Variants in RNGTT observed in about 807,000 individuals in gnomAD.
RNGTT encodes RNA guanylyltransferase and 5'-phosphatase.
A neutral mutation model predicts 79.3 loss-of-function variants in RNGTT; 33 were observed. That is an observed-to-expected ratio of 0.42 (90% confidence interval 0.32 to 0.56). The LOEUF is 0.56. RNGTT is among the 20% of genes least tolerant of loss of function. The pLI, the probability that RNGTT is intolerant of heterozygous loss-of-function variation, is 0.17. For synonymous variants in RNGTT, 222 were observed against 235.9 expected (o/e 0.94, Z 0.54); for missense variants, 497 against 739.1 (o/e 0.67, Z 3.80).
At chr6:88,954,960 A>G (rs1785378170) in intron 1 of RNGTT, among the ~76,000 whole-genome samples, 1 of 152,100 alleles carries the variant, frequency 6.6e-6, no homozygotes, top group Non-Finnish European at 1.5e-5. Context: ...AGGGAGGCTG[A>G]GGCAGGAGAA....
intron 13 of RNGTT, among the ~76,000 whole-genome samples, chr6:88,706,466 A>G (rs1776133238): frequency 6.6e-6 from 1 of 152,086 alleles, no homozygotes; most frequent in African/African-American, 2.4e-5. Flanking sequence ...AACTGGCACT[A>G]TAAGGAAGAG....
chr6:88,906,326 T>G, intron 5 of RNGTT, 39 bp downstream of exon 5: 1 of 1,354,954 alleles, frequency 7.4e-7, no homozygotes, highest in Non-Finnish European at 1.0e-6. Context: ...AAATTTTTTA[T>G]TACAAAATAC....
intron 13 of RNGTT, among the ~76,000 whole-genome samples, chr6:88,757,013 CAACT>C (rs1778040531): frequency 1.3e-5 from 2 of 152,142 alleles, no homozygotes; most frequent in Admixed American, 6.5e-5. Context: ...TCAGTTTTAA[CAACT>C]AACATCCACT....
At chr6:88,782,225 G>C (rs1752326114) in intron 12 of RNGTT, among the ~76,000 whole-genome samples, 1 of 152,028 alleles carries the variant, frequency 6.6e-6, no homozygotes. Flanking sequence ...CCATGAGGTA[G>C]TTCAATCTAA....
intron 14 of RNGTT, among the ~76,000 whole-genome samples, chr6:88,629,657 C>T (rs1772771729): frequency 6.6e-6 from 1 of 152,144 alleles, no homozygotes; most frequent in Admixed American, 6.6e-5. Flanking sequence ...TTTGGACGTT[C>T]ACCACTCAAC....
At chr6:88,612,963 A>T in intron 15 of RNGTT, 81 bp from the exon 16 acceptor site, 1 of 1,264,998 alleles carries the variant, frequency 7.9e-7, no homozygotes, top group Non-Finnish European at 1.1e-6. Context: ...AAAGGTTTTC[A>T]TCCCAATATA....
intron 9 of RNGTT, 74 bp downstream of exon 9, chr6:88,853,555 G>T: frequency 3.3e-6 from 3 of 914,682 alleles, no homozygotes; most frequent in Non-Finnish European, 4.9e-6. Context: ...TTAACCAACA[G>T]AAATACACAT....
intron 14 of RNGTT, among the ~76,000 whole-genome samples, chr6:88,649,465 G>A (rs1243771249): frequency 3.9e-5 from 6 of 152,200 alleles, no homozygotes; most frequent in South Asian, 2.1e-4. Flanking sequence ...TTGGGAGGCC[G>A]AGGCGGTGGA....
chr6:88,787,854 G>C (rs912984841), intron 12 of RNGTT, among the ~76,000 whole-genome samples: 1 of 152,174 alleles, frequency 6.6e-6, no homozygotes, highest in East Asian at 1.9e-4. Flanking sequence ...GAAAGACTTG[G>C]AGATGAAGGA....
At chr6:88,902,628 T>C (rs983846697) in intron 6 of RNGTT, among the ~76,000 whole-genome samples, 2 of 151,782 alleles carry the variant, frequency 1.3e-5, no homozygotes, top group South Asian at 2.1e-4. Context: ...GATTTTTGCA[T>C]TGTCTAAAAA....
At chr6:88,822,232 G>A (rs1156498865) in intron 11 of RNGTT, among the ~76,000 whole-genome samples, 4 of 152,090 alleles carry the variant, frequency 2.6e-5, no homozygotes, top group African/African-American at 9.7e-5. Context: ...AGACACATTT[G>A]GGAAGGGATT....
intron 13 of RNGTT, among the ~76,000 whole-genome samples, chr6:88,754,669 G>A (rs368056362): frequency 8.5e-5 from 13 of 152,280 alleles, no homozygotes; most frequent in African/African-American, 2.9e-4. Context: ...TGATGCCCCC[G>A]CTGAAGGCTG....
intron 13 of RNGTT, among the ~76,000 whole-genome samples, chr6:88,746,171 A>G (rs1018571610): frequency 2.0e-5 from 3 of 152,186 alleles, no homozygotes; most frequent in Admixed American, 2.0e-4. Context: ...TTTCCCCACC[A>G]CCAAAGAGTG....
intron 12 of RNGTT, among the ~76,000 whole-genome samples, chr6:88,784,037 T>C (rs1428485196): frequency 6.6e-6 from 1 of 152,120 alleles, no homozygotes; most frequent in Non-Finnish European, 1.5e-5. Flanking sequence ...AAGAATTTAA[T>C]GAAAGATGAA....
intron 8 of RNGTT, among the ~76,000 whole-genome samples, chr6:88,868,301 A>G (rs886380744): frequency 2.0e-5 from 3 of 152,200 alleles, no homozygotes; most frequent in African/African-American, 7.2e-5. Context: ...GTGGGAGTTG[A>G]CATCATAGTC....
intron 14 of RNGTT, among the ~76,000 whole-genome samples, chr6:88,666,588 G>A (rs2127784392): frequency 6.6e-6 from 1 of 152,330 alleles, no homozygotes; most frequent in South Asian, 2.1e-4. Flanking sequence ...CCCCGCCACT[G>A]CTTCTGGTAT....
intron 8 of RNGTT, among the ~76,000 whole-genome samples, chr6:88,864,588 C>T (rs1322745751): frequency 6.6e-6 from 1 of 152,038 alleles, no homozygotes; most frequent in East Asian, 1.9e-4. Context: ...TCTGTTTCCT[C>T]ACCAGAAGTT....
chr6:88,826,093 A>G (rs1466679608), intron 11 of RNGTT, among the ~76,000 whole-genome samples: 3 of 152,210 alleles, frequency 2.0e-5, no homozygotes, highest in Non-Finnish European at 1.5e-5. Flanking sequence ...CTTATCTTAC[A>G]ATGACAAATC....
chr6:88,749,535 A>C (rs1777775409), intron 13 of RNGTT, among the ~76,000 whole-genome samples: 2 of 152,096 alleles, frequency 1.3e-5, no homozygotes, highest in Non-Finnish European at 2.9e-5. Context: ...TAGAAAAAGT[A>C]GGACAAATAA....
Sources: gnomAD v4.1 joint callset for allele counts (sites outside exome capture counted in the v4.1 genomes callset) on GRCh38, gnomAD v4.1.1 for gene constraint, MANE v1.5 for transcripts, NCBI Gene and HGNC (gene_info 2026-07-23, HGNC 2026-07-21) for gene names.